BTBD1: variants seen among roughly 807,000 people sequenced by gnomAD.
BTBD1 encodes the protein BTB domain containing 1.
Under a neutral mutation model 48.0 loss-of-function variants are expected in BTBD1, and 34 were observed. The ratio of observed to expected loss-of-function variants is 0.71; its 90% CI spans 0.54 to 0.94. The LOEUF is 0.94. Ranked by LOEUF, BTBD1 falls within the 40% of genes least tolerant of loss-of-function variation. The probability of loss-of-function intolerance (pLI) is 0.00; values close to 1 mark genes in which losing one functional copy is unlikely to be tolerated. For missense variants in BTBD1, 543 were observed against 625.6 expected (o/e 0.87, Z 1.41); for synonymous variants, 261 against 242.1 (o/e 1.08, Z -0.72).
At chr15:83,019,357 T>C (rs559220713) in intron 6 of BTBD1, among the ~76,000 whole-genome samples, 1 of 151,980 alleles carries the variant, frequency 6.6e-6, no homozygotes, top group East Asian at 1.9e-4. Flanking sequence ...CCAGCCCTAA[T>C]TTTTCATTTT....
chr15:83,053,362 TG>T (rs2151311702), intron 2 of BTBD1, among the ~76,000 whole-genome samples: 3 of 128,738 alleles, frequency 2.3e-5, no homozygotes, highest in African/African-American at 9.2e-5. Flanking sequence ...CAGTGAAAAA[TG>T]TAATACTGGA....
At chr15:83,062,097 A>C (rs901441271) in intron 1 of BTBD1, among the ~76,000 whole-genome samples, 20 of 152,328 alleles carry the variant, frequency 1.3e-4, no homozygotes, top group Non-Finnish European at 4.4e-5. Context: ...GGGTTGAAAC[A>C]CTGAGTGGAT....
Position 83,066,804 on chromosome 15 carries a change from C to A in BTBD1, c.348G>T (p.Ser116=), listed in dbSNP as rs1436648514. 1.4e-6 allele frequency: 2 copies of A among 1,445,820 alleles called. No homozygotes were observed. The highest frequency in any genetic ancestry group is 1.8e-6 in the Non-Finnish European group (2 of 1,102,178). The allele number at this position is 1,445,820 out of a possible 1,614,324, so 89.6% of individuals were successfully genotyped here. ...CCACGTCCGGCAGCTCGATCTCGGC[C>A]GACGTGGTGGCCATGCCGCCGTTGA... ...AMFNGGMATT[S]AEIELPDVEP... The change falls in exon 1 of 8, where the codon TCG becomes TCT. Residue 116 remains serine (S), a synonymous_variant. Transcript: ENST00000261721.
chr15:83,025,879 C>T (rs2032395732), intron 5 of BTBD1, among the ~76,000 whole-genome samples: 2 of 152,068 alleles, frequency 1.3e-5, no homozygotes, highest in East Asian at 1.9e-4. Context: ...ACGCAATTCT[C>T]CTGTCTCAGC....
chr15:83,025,421 G>A (rs1283305184), intron 5 of BTBD1, among the ~76,000 whole-genome samples: 2 of 143,514 alleles, frequency 1.4e-5, no homozygotes, highest in East Asian at 4.3e-4. Flanking sequence ...AAAATAGTAT[G>A]TGACTTCTGA....
chr15:83,025,357 C>CAAAAA (rs767479917), intron 5 of BTBD1, among the ~76,000 whole-genome samples: 3,236 of 63,918 alleles, frequency 0.051, 123 homozygotes, highest in African/African-American at 0.11. Context: ...GACTCCATCA[C>CAAAAA]AAAAAAAAAA....
At chr15:83,044,338 G>A in intron 3 of BTBD1, 1 of 1,319,174 alleles carries the variant, frequency 7.6e-7, no homozygotes, top group Non-Finnish European at 1.1e-6. Flanking sequence ...CGGCAACCCT[G>A]CTCTGCATGC....
chr15:83,060,470 A>G (rs1228069072), intron 1 of BTBD1, among the ~76,000 whole-genome samples: 1 of 151,876 alleles, frequency 6.6e-6, no homozygotes, highest in African/African-American at 2.4e-5. Context: ...CAAAAAAAAA[A>G]AAAAACAACT....
intron 5 of BTBD1, among the ~76,000 whole-genome samples, chr15:83,021,742 A>AAATAATAGTAATAAT (rs1555438314): frequency 6.9e-6 from 1 of 145,378 alleles, no homozygotes; most frequent in South Asian, 2.1e-4. Flanking sequence ...ACTCCTTCTC[A>AAATAATAGTAATAAT]AATAATAATA....
At chr15:83,025,039 A>G (rs2032375309) in intron 5 of BTBD1, among the ~76,000 whole-genome samples, 1 of 152,030 alleles carries the variant, frequency 6.6e-6, no homozygotes, top group African/African-American at 2.4e-5. Context: ...AGAAACATAT[A>G]CTCTTCCAAA....
In BTBD1 at chr15:83,030,299, G is replaced by A. The variant is rs751514037; in HGVS notation, c.892C>T (p.Arg298Cys). Residue 298 changes from arginine to cysteine, a missense_variant, in exon 5 of 8, where the codon CGT becomes TGT. Arg to Cys is a radical substitution (Grantham distance 180). Coordinates refer to ENST00000261721, the MANE Select transcript of BTBD1 (RefSeq NM_025238.4). ...TGAAGAAAGAGGTTTACCACTTCAC[G>A]ATCTGACAAAATTCCAGATTGAGCA... ...GPAQSGILSD[R>C]EVVNLFLHFT... is the part of the protein sequence containing the mutation. The A allele has an allele frequency of 6.8e-6, 11 of 1,613,794 alleles. No homozygotes were observed. Among genetic ancestry groups the A allele is most frequent in the African/African-American group, 2.7e-5 (2 of 74,856 alleles).
chr15:83,065,922 A>T (rs1289136600), intron 1 of BTBD1, among the ~76,000 whole-genome samples: 1 of 152,242 alleles, frequency 6.6e-6, no homozygotes, highest in Non-Finnish European at 1.5e-5. Flanking sequence ...CAAAGCAGGT[A>T]AAGCCTCACT....
Position 83,041,897 on chromosome 15 carries a change from GTC to G in BTBD1, c.691_692del (p.Asp231HisfsTer33). 6.2e-7 allele frequency: 1 copy of G among 1,614,094 alleles called. No homozygotes were observed. The highest frequency in any genetic ancestry group is 8.5e-7 in the Non-Finnish European group (1 of 1,180,016). On this transcript the variant is annotated frameshift_variant, in exon 4 of 8. Transcript: ENST00000261721. LOFTEE classifies it high-confidence loss of function. ...IDTLCAVLERDTLSIRESRLF... is the reference protein window; with the variant it reads ...IDTLCAVLERXTLSIRESRLF... ...GTCGACTTTCTCGAATACTGAGTGT[GTC>G]TCTCTCTAAAACTGCACAGAGTGTA...
Position 83,067,122 on chromosome 15 carries a change from C to T in BTBD1, c.30G>A (p.Gly10=), listed in dbSNP as rs2033297405. 2 of 1,451,134 alleles carry T rather than the reference C, an allele frequency of 1.4e-6. No individual in the cohort carries two copies. Among genetic ancestry groups the T allele is most frequent in the Admixed American group, 3.1e-5 (1 of 31,998 alleles). The allele number at this position is 1,451,134 out of a possible 1,614,324, so 89.9% of individuals were successfully genotyped here. A position where few individuals can be genotyped will look rare whatever the true frequency, so the allele number is the denominator to read the frequency against. The change falls in exon 1 of 8, where the codon GGG becomes GGA. Residue 10 remains glycine, a synonymous_variant. Transcript: ENST00000261721. ...CCGCCTCAGCCCCCGACGCCTGCTC[C>T]CCAGCTGCGGCAGGCCCGAGTGAGG... MASLGPAAA[G]EQASGAEAEP... is the part of the protein sequence containing the mutation.
At chr15:83,052,518 GTTTTTTAATAACA>G (rs963726283) in intron 2 of BTBD1, among the ~76,000 whole-genome samples, 6 of 151,858 alleles carry the variant, frequency 4.0e-5, no homozygotes, top group African/African-American at 1.5e-4. Context: ...TTGCCCCAAC[GTTTTTTAATAACA>G]TTTTTCCTTC....
rs2151297451 is a variant in BTBD1, at chr15:83,016,736, T to TAC, written c.*1329_*1330dup. 6.6e-6 allele frequency: 1 copy of TAC among 152,300 alleles called. No homozygotes were observed. The highest frequency in any genetic ancestry group is 2.1e-4 in the South Asian group (1 of 4,828). The allele number at this position is 152,300 out of a possible 1,614,324, so 9.4% of individuals were successfully genotyped here. A position where few individuals can be genotyped will look rare whatever the true frequency, so the allele number is the denominator to read the frequency against. Reference sequence around the variant, plus strand: ...CTGAGGTTTATATCCGTAAGAGCATTACCATAGAAAAATTTCCCTTTAGCA... The same window carrying TAC: ...CTGAGGTTTATATCCGTAAGAGCATTACACCATAGAAAAATTTCCCTTTAGCA... On this transcript the variant is annotated 3_prime_UTR_variant, in exon 8 of 8. Coordinates refer to ENST00000261721, the MANE Select transcript of BTBD1 (RefSeq NM_025238.4).
At chr15:83,023,536 C>A (rs2032342302) in intron 5 of BTBD1, among the ~76,000 whole-genome samples, 1 of 152,012 alleles carries the variant, frequency 6.6e-6, no homozygotes, top group Non-Finnish European at 1.5e-5. Context: ...CATGCCACTA[C>A]ATGCTGCTAA....
chr15:83,022,988 T>TA (rs555967293), intron 5 of BTBD1, among the ~76,000 whole-genome samples: 149 of 150,690 alleles, frequency 9.9e-4, no homozygotes, highest in Non-Finnish European at 1.4e-3. Context: ...ACATTGTGCT[T>TA]AAAAAAAAAC....
At chr15:83,058,308 T>C (rs963382253) in intron 1 of BTBD1, among the ~76,000 whole-genome samples, 2 of 152,282 alleles carry the variant, frequency 1.3e-5, no homozygotes, top group African/African-American at 2.4e-5. Flanking sequence ...CTTTCTACTC[T>C]GTTGGCCCTT....
Sources: allele counts gnomAD v4.1 joint callset (sites outside exome capture counted in the v4.1 genomes callset), GRCh38; gene constraint gnomAD v4.1.1; transcripts MANE v1.5; gene names NCBI Gene and HGNC (gene_info 2026-07-23, HGNC 2026-07-21).